Variants in MAPK8IP3 observed in about 807,000 individuals in gnomAD.
MAPK8IP3 encodes the protein C-Jun-amino-terminal kinase-interacting protein 3.
A neutral mutation model predicts 157.8 loss-of-function variants in MAPK8IP3; 49 were observed. The observed-to-expected ratio is 0.31, with a 90% CI of 0.25 to 0.39. The LOEUF is 0.39. Among genes scored for constraint, MAPK8IP3 ranks in the 10% least tolerant of loss-of-function variants. The pLI is 1.00. For synonymous variants in MAPK8IP3, 897 were observed against 777.7 expected, an observed-to-expected ratio of 1.15 and a Z score of -2.55; for missense variants, 1,478 against 1,889.4, an observed-to-expected ratio of 0.78 and a Z score of 4.04.
chr16:1,706,900 C>A lies in MAPK8IP3; in HGVS notation c.318+243C>A, dbSNP rs959984658. On this transcript the variant is annotated intron_variant, in intron 1 of 31. Transcript: ENST00000610761. This position sits in a 1 kb window ranked among gnomAD's most constrained non-coding sequence, Gnocchi z 5.1. Reference sequence around the variant, plus strand: ...GAGCACTCCCCCGCCTGCCCCGGGACCCCACCCCGACTCCCGGGGACCCCC... The same window carrying A: ...GAGCACTCCCCCGCCTGCCCCGGGAACCCACCCCGACTCCCGGGGACCCCC... Among the ~76,000 whole-genome samples the A allele has an allele frequency of 2.7e-5, 4 of 148,132 alleles. No individual in the cohort carries two copies. Among genetic ancestry groups the A allele is most frequent in the African/African-American group, 1.0e-4 (4 of 40,006 alleles).
At chr16:1,721,307 C>CAAAAAAA (rs59666950) in intron 1 of MAPK8IP3, among the ~76,000 whole-genome samples, 1 of 70,660 alleles carries the variant, frequency 1.4e-5, no homozygotes, top group African/African-American at 4.4e-5. Flanking sequence ...CACTCTATCT[C>CAAAAAAA]AAAAAAAAAA....
In MAPK8IP3 at chr16:1,710,197, C is replaced by T. The variant is rs1010486182; in HGVS notation, c.318+3540C>T. Among the ~76,000 whole-genome samples, 2 of 151,986 alleles carry T rather than the reference C, an allele frequency of 1.3e-5. No homozygotes were observed. Among genetic ancestry groups the T allele is most frequent in the Admixed American group, 1.3e-4 (2 of 15,260 alleles). The stretch of plus-strand genomic sequence containing the variant: ...CAAACTCCTGGACTCAAGCAATCCT[C>T]CCACCTCAGCCTCCCAACATTTGAC... On this transcript the variant is annotated intron_variant, in intron 1 of 31. Transcript: ENST00000610761. The surrounding 1 kb of genome is among the most constrained non-coding windows in gnomAD (Gnocchi z 4.1).
chr16:1,754,409 C>G (rs925078450), intron 8 of MAPK8IP3, among the ~76,000 whole-genome samples: 1 of 152,180 alleles, frequency 6.6e-6, no homozygotes, highest in African/African-American at 2.4e-5. Context: ...ATCTTTCTCT[C>G]CGCTCTGCTC....
intron 8 of MAPK8IP3, among the ~76,000 whole-genome samples, chr16:1,756,623 AACAC>A (rs60461442): frequency 0.079 from 10,647 of 135,492 alleles, 431 homozygotes; most frequent in African/African-American, 0.11. Context: ...TTTTTACTAA[AACAC>A]ACACACACAC....
rs2042546846 is a variant in MAPK8IP3, at chr16:1,770,330, T to C, written c.*1506T>C. ...TCTTAACGTCGTAGCTGCCTGTTCCTGGGCCCAAATCGAAACGAAAACGAG... is the reference window on the plus strand; with the variant it reads ...TCTTAACGTCGTAGCTGCCTGTTCCCGGGCCCAAATCGAAACGAAAACGAG... On this transcript the variant is annotated 3_prime_UTR_variant, in exon 32 of 32. Transcript: ENST00000610761. The C allele has an allele frequency of 6.3e-6, 2 of 319,098 alleles. No homozygotes were observed. Among genetic ancestry groups the C allele is most frequent in the Non-Finnish European group, 1.1e-5 (2 of 174,160 alleles). The allele number at this position is 319,098 out of a possible 1,614,324, so 19.8% of individuals were successfully genotyped here.
Position 1,738,556 on chromosome 16 carries a change from G to T in MAPK8IP3, c.603-4776G>T, listed in dbSNP as rs568547277. On this transcript the variant is annotated intron_variant, in intron 4 of 31. Coordinates refer to ENST00000610761, the MANE Select transcript of MAPK8IP3 (RefSeq NM_001318852.2). ...TGACTGTCCGTGTGAGCATCCGTGT[G>T]AGCGTGTGAGCATCCGTGTGAGTGT... 2.2e-3 allele frequency among the ~76,000 whole-genome samples: 303 copies of T among 138,962 alleles called. 1 individual carries two copies. The highest frequency in any genetic ancestry group is 7.7e-3 in the East Asian group (34 of 4,436). 91.2% of individuals were successfully genotyped at this position (138,962 alleles called of 152,430 possible).
chr16:1,760,111 C>T, intron 11 of MAPK8IP3, 96 bp downstream of exon 11: 1 of 1,344,128 alleles, frequency 7.4e-7, no homozygotes, highest in Non-Finnish European at 1.1e-6. Flanking sequence ...TGGGGAGCAC[C>T]TGGCTCCAAC....
chr16:1,734,477 G>A (rs1472256448), intron 4 of MAPK8IP3, among the ~76,000 whole-genome samples: 2 of 152,250 alleles, frequency 1.3e-5, no homozygotes, highest in South Asian at 2.1e-4. Context: ...TGGGGCTCAC[G>A]TGCTGTCTGC....
chr16:1,730,559 G>A (rs1295924351), intron 4 of MAPK8IP3, among the ~76,000 whole-genome samples: 1 of 151,988 alleles, frequency 6.6e-6, no homozygotes, highest in Non-Finnish European at 1.5e-5. Flanking sequence ...CTAACATGGT[G>A]AAACCCCATC....
At chr16:1,736,828 CCGTGTGAG>C (rs1468560708) in intron 4 of MAPK8IP3, among the ~76,000 whole-genome samples, 17 of 43,670 alleles carry the variant, frequency 3.9e-4, no homozygotes, top group East Asian at 7.7e-4. Flanking sequence ...GTGTGAGCGT[CCGTGTGAG>C]CGTGTGACCG....
At chr16:1,749,030 G>C in intron 8 of MAPK8IP3, 1 of 436,274 alleles carries the variant, frequency 2.3e-6, no homozygotes, top group Non-Finnish European at 4.4e-6. Flanking sequence ...TGTGTAAGTA[G>C]TTGCTGTTAT....
rs1158783640 is a variant in MAPK8IP3, at chr16:1,710,510, T to C, written c.318+3853T>C. Among the ~76,000 whole-genome samples the C allele has an allele frequency of 6.6e-6, 1 of 152,032 alleles. No individual in the cohort carries two copies. The highest frequency in any genetic ancestry group is 1.9e-4 in the East Asian group (1 of 5,188). Reference sequence around the variant, plus strand: ...ATAGATAAAAATAAATAAATAAATGTCATCCATTTCATAGACTATTTGGGT... The same window carrying C: ...ATAGATAAAAATAAATAAATAAATGCCATCCATTTCATAGACTATTTGGGT... On this transcript the variant is annotated intron_variant, in intron 1 of 31. Coordinates refer to ENST00000610761, the MANE Select transcript of MAPK8IP3 (RefSeq NM_001318852.2). This position sits in a 1 kb window ranked among gnomAD's most constrained non-coding sequence, Gnocchi z 4.1.
In MAPK8IP3 at chr16:1,719,882, G is replaced by C. The variant is rs2038406653; in HGVS notation, c.319-4675G>C. Reference sequence around the variant, plus strand: ...AACAAACCAAAAAGTATAAAAGAAAGAAATGTTGAGAGTTCTACAAAAGGG... The same window carrying C: ...AACAAACCAAAAAGTATAAAAGAAACAAATGTTGAGAGTTCTACAAAAGGG... On this transcript the variant is annotated intron_variant, in intron 1 of 31. Transcript: ENST00000610761. Among the ~76,000 whole-genome samples the C allele has an allele frequency of 2.0e-5, 3 of 152,076 alleles. No individual in the cohort carries two copies. The South Asian group carries it at 6.2e-4, about 31-fold the overall frequency.
In MAPK8IP3 at chr16:1,708,575, C is replaced by T. The variant is rs140839868; in HGVS notation, c.318+1918C>T. Among the ~76,000 whole-genome samples, 557 of 152,326 alleles carry T rather than the reference C, an allele frequency of 3.7e-3. 1 individual carries two copies. The highest frequency in any genetic ancestry group is 6.2e-3 in the Non-Finnish European group (422 of 68,026). On this transcript the variant is annotated intron_variant, in intron 1 of 31. Coordinates refer to ENST00000610761, the MANE Select transcript of MAPK8IP3 (RefSeq NM_001318852.2). ...AGGATAGGCGCTGCCCAGCTCTGTG[C>T]GGTTCACATGCAAGCTGCTGTGAGT...
Position 1,767,289 on chromosome 16 carries a change from C to G in MAPK8IP3, c.3229C>G (p.Gln1077Glu). Residue 1077 changes from glutamine (Q) to glutamate (E), a missense_variant, in exon 26 of 32, where the codon CAG becomes GAG. By Grantham distance (29) the Gln-to-Glu change is conservative (BLOSUM62 2). Coordinates refer to ENST00000610761, the MANE Select transcript of MAPK8IP3 (RefSeq NM_001318852.2). Reference protein sequence around the residue: ...KVHVIQPKTMQIEKSFDAHPR... With the variant: ...KVHVIQPKTMEIEKSFDAHPR... ...GCACGTCATCCAGCCCAAGACCATG[C>G]AGATAGAGGCGAGTGCCGGCCAGGG... 4.3e-6 allele frequency: 7 copies of G among 1,613,136 alleles called. No homozygotes were observed. Among genetic ancestry groups the G allele is most frequent in the Non-Finnish European group, 4.2e-6 (5 of 1,179,958 alleles).
intron 4 of MAPK8IP3, among the ~76,000 whole-genome samples, chr16:1,738,995 CGTGT>C (rs374841262): frequency 2.5e-5 from 3 of 121,016 alleles, no homozygotes; most frequent in East Asian, 2.8e-4. Context: ...TGTGAGCATC[CGTGT>C]GTGTGACCAT....
chr16:1,758,006 CCT>C (rs1427960815), intron 8 of MAPK8IP3, 140 bp from the exon 9 acceptor site: 2 of 823,308 alleles, frequency 2.4e-6, no homozygotes, highest in African/African-American at 1.7e-5. Flanking sequence ...GAGGCTGCTC[CCT>C]CTCTCTCCTG....
In MAPK8IP3 at chr16:1,766,400, A is replaced by C; in HGVS notation, c.2810A>C (p.Gln937Pro). The C allele has an allele frequency of 1.2e-6, 2 of 1,610,206 alleles. No individual in the cohort carries two copies. Among genetic ancestry groups the C allele is most frequent in the Non-Finnish European group, 1.7e-6 (2 of 1,178,318 alleles). The change falls in exon 22 of 32, where the codon CAG becomes CCG. Residue 937 changes from glutamine to proline, a missense_variant. By Grantham distance (76) the Gln-to-Pro change is moderately conservative (BLOSUM62 -1). Transcript: ENST00000610761. ...GCCCCGACCCCGTCCTCTGGCCCCC[A>C]GCCTGGCAGGTGAGCTCTTGGGCTG... ...DPAPTPSSGP[Q>P]PGSENGPEPD... is the part of the protein sequence containing the mutation.
At chr16:1,716,026 G>A (rs1012869335) in intron 1 of MAPK8IP3, among the ~76,000 whole-genome samples, 2 of 152,012 alleles carry the variant, frequency 1.3e-5, no homozygotes, top group African/African-American at 2.4e-5. Context: ...TGCACCGGCC[G>A]AGGTTTGGAT....
Sources: allele counts gnomAD v4.1 joint callset (sites outside exome capture counted in the v4.1 genomes callset), GRCh38; gene constraint gnomAD v4.1.1; non-coding constraint Gnocchi (gnomAD v3.1); transcripts MANE v1.5; gene names NCBI Gene and HGNC (gene_info 2026-07-23, HGNC 2026-07-21).